Variants in TTN observed in about 807,000 individuals in gnomAD.
TTN encodes connectin.
In TTN, 1,525 loss-of-function variants were observed where a neutral mutation model predicts 3,223.0. The observed-to-expected ratio is 0.47, with a 90% CI of 0.45 to 0.49. TTN has a LOEUF of 0.49. Ranked by LOEUF, TTN falls within the 20% of genes least tolerant of loss-of-function variation. The probability of loss-of-function intolerance (pLI) is 0.00; values close to 1 mark genes in which losing one functional copy is unlikely to be tolerated. For missense variants in TTN, 40,786 were observed against 43,424.0 expected (o/e 0.94, Z 5.40); for synonymous variants, 14,094 against 15,161.0 (o/e 0.93, Z 5.17).
At chr2:178,664,371 C>T in intron 168 of TTN, 89 bp downstream of exon 168, 3 of 1,016,026 alleles carry the variant, frequency 3.0e-6, no homozygotes, top group East Asian at 2.4e-5. Flanking sequence ...TTCACATGTA[C>T]ACATCAAAAT....
chr2:178,776,640 C>T lies in TTN; in HGVS notation c.5224G>A (p.Gly1742Arg). 1.2e-6 allele frequency: 2 copies of T among 1,614,090 alleles called. No individual in the cohort carries two copies. The highest frequency in any genetic ancestry group is 1.7e-6 in the Non-Finnish European group (2 of 1,180,012). The change falls in exon 28 of 363, where the codon GGA becomes AGA. Residue 1742 changes from glycine (G) to arginine (R), a missense_variant. Physicochemically the swap from Gly to Arg is moderately radical, Grantham distance 125 (BLOSUM62 -2). Coordinates refer to ENST00000589042, the MANE Select transcript of TTN (RefSeq NM_001267550.2). ...CTGTTGGCTGCTTCAAGTGGCTTTC[C>T]ATCATGGAGCCACTCCACCACCATC... Reference protein sequence around the residue: ...PTMVVEWLHDGKPLEAANRLR... With the variant: ...PTMVVEWLHDRKPLEAANRLR...
At chr2:178,586,359 G>T in intron 308 of TTN, 146 bp downstream of exon 308, 1 of 838,798 alleles carries the variant, frequency 1.2e-6, no homozygotes, top group African/African-American at 1.7e-5. Flanking sequence ...TGTGTTTTTG[G>T]CCCACTCATG....
At chr2:178,675,824 T>C (rs759670522) in intron 148 of TTN, 70 bp from the exon 149 acceptor site, 85 of 1,526,564 alleles carry the variant, frequency 5.6e-5, no homozygotes, top group Non-Finnish European at 7.2e-5. Context: ...ACAGCAGTAA[T>C]ATAAGTTGTA....
intron 47 of TTN, chr2:178,751,387 C>G: frequency 6.2e-7 from 1 of 1,607,852 alleles, no homozygotes; most frequent in Non-Finnish European, 8.5e-7. Context: ...CTTCATCATA[C>G]ATGTAATCTG....
chr2:178,563,119 C>A lies in TTN; in HGVS notation c.83013G>T (p.Glu27671Asp). Residue 27671 changes from glutamate (E) to aspartate (D), a missense_variant, in exon 326 of 363, where the codon GAG becomes GAT. Coordinates refer to ENST00000589042, the MANE Select transcript of TTN (RefSeq NM_001267550.2). The surrounding 1 kb of genome is among the most constrained non-coding windows in gnomAD (Gnocchi z 4.5). ...PGSVVAQERI[E>D]PPEIELDADL... ...CAGCATCGAGTTCTATTTCTGGTGGCTCTATCCTCTCCTGAGCAACCACTG... is the reference window on the plus strand; with the variant it reads ...CAGCATCGAGTTCTATTTCTGGTGGATCTATCCTCTCCTGAGCAACCACTG... 1 of 1,613,704 alleles carries A rather than the reference C, an allele frequency of 6.2e-7. No individual in the cohort carries two copies. The highest frequency in any genetic ancestry group is 2.2e-5 in the East Asian group (1 of 44,854).
At position 178,777,828 on chromosome 2, in the gene TTN, C is replaced by A. The variant is rs1325420428; in HGVS notation, c.4356G>T (p.Glu1452Asp). 1 of 1,613,920 alleles carries A rather than the reference C, an allele frequency of 6.2e-7. No individual in the cohort carries two copies. The highest frequency in any genetic ancestry group is 2.2e-5 in the East Asian group (1 of 44,878). The change falls in exon 25 of 363, where the codon GAG (glutamate) becomes GAT (aspartate). Residue 1452 changes from glutamate (E) to aspartate (D), a missense_variant. By Grantham distance (45) the Glu-to-Asp change is conservative. Transcript: ENST00000589042. Reference protein sequence around the residue: ...RLEETDESQLERLYKPVFVLK... With the variant: ...RLEETDESQLDRLYKPVFVLK... ...ACACAAAGACTGGTTTATATAGTCT[C>A]TCAAGTTGTGACTCATCTGTCTCCT... is the stretch of plus-strand genomic sequence containing the variant.
rs773714477 is a variant in TTN, at chr2:178,544,090, A to G, written c.96054T>C (p.Asp32018=). Residue 32018 remains aspartate, a synonymous_variant, in exon 346 of 363, where the codon GAT becomes GAC. Coordinates refer to ENST00000589042, the MANE Select transcript of TTN (RefSeq NM_001267550.2). ...TGATGGTCACAGTCTTCTTTAGATC[A>G]TCTGCAAGCTCAAGATCTGGTATTT... ...RIEIPDLELA[D]DLKKTVTIRA... 2 of 1,609,814 alleles carry G rather than the reference A, an allele frequency of 1.2e-6. No individual in the cohort carries two copies. Among genetic ancestry groups the G allele is most frequent in the East Asian group, 4.5e-5 (2 of 44,784 alleles).
chr2:178,558,708 T>C (rs1159000040), intron 326 of TTN, 71 bp from the exon 327 acceptor site: 3 of 1,460,724 alleles, frequency 2.1e-6, no homozygotes, highest in East Asian at 4.7e-5. Flanking sequence ...TCTTCATGTA[T>C]TGTCAAAAGA....
intron 121 of TTN, among the ~76,000 whole-genome samples, chr2:178,690,160 A>G (rs1032867997): frequency 5.9e-5 from 9 of 152,236 alleles, no homozygotes; most frequent in Non-Finnish European, 1.3e-4. Context: ...TATATATTGT[A>G]TGACCTTGCT....
chr2:178,632,507 A>G lies in TTN; in HGVS notation c.43480+19T>C, dbSNP rs1346343042. 3 of 1,608,834 alleles carry G rather than the reference A, an allele frequency of 1.9e-6. No homozygotes were observed. Among genetic ancestry groups the G allele is most frequent in the African/African-American group, 1.3e-5 (1 of 74,686 alleles). Reference sequence around the variant, plus strand: ...AAAAAAAATGATTTTGGGGTGGACTATTTGATAAAACTATTTACCTTCAAT... The same window carrying G: ...AAAAAAAATGATTTTGGGGTGGACTGTTTGATAAAACTATTTACCTTCAAT... On this transcript the variant is annotated intron_variant, in intron 235 of 362. Transcript: ENST00000589042.
At chr2:178,622,970 T>G (rs2058520105) in intron 242 of TTN, among the ~76,000 whole-genome samples, 1 of 151,958 alleles carries the variant, frequency 6.6e-6, no homozygotes, top group African/African-American at 2.4e-5. Flanking sequence ...CATAAAATTA[T>G]GTGGCATTCT....
In TTN at chr2:178,619,668, C is replaced by A. The variant is rs1229831088; in HGVS notation, c.46649G>T (p.Arg15550Ile). The A allele has an allele frequency of 6.2e-7, 1 of 1,612,104 alleles. No homozygotes were observed. The highest frequency in any genetic ancestry group is 1.3e-5 in the African/African-American group (1 of 74,892). Residue 15550 changes from arginine (R) to isoleucine (I), a missense_variant, in exon 250 of 363, where the codon AGA becomes ATA. Physicochemically the swap from Arg to Ile is moderately conservative, Grantham distance 97 (BLOSUM62 -3). Coordinates refer to ENST00000589042, the MANE Select transcript of TTN (RefSeq NM_001267550.2). ...GGCTTCTTTGTCTTTGGCAATAAAT[C>A]TGTATTCACCCTGGTCACGGGGCTT... ...DIKPRDQGEY[R>I]FIAKDKEARA...
Position 178,777,246 on chromosome 2 carries a change from G to C in TTN, c.4717C>G (p.Leu1573Val), listed in dbSNP as rs2092329719. The change falls in exon 27 of 363, where the codon CTT becomes GTT. Residue 1573 changes from leucine (L) to valine (V), a missense_variant. Coordinates refer to ENST00000589042, the MANE Select transcript of TTN (RefSeq NM_001267550.2). Reference sequence around the variant, plus strand: ...CCCGTAGCTCTGACTTTCATTTCAAGTCGGGAACCTTCCTTTATATTGACA... The same window carrying C: ...CCCGTAGCTCTGACTTTCATTTCAACTCGGGAACCTTCCTTTATATTGACA... ...KNVNIKEGSRLEMKVRATGNP... is the reference protein window; with the variant it reads ...KNVNIKEGSRVEMKVRATGNP... 1.9e-6 allele frequency: 3 copies of C among 1,613,930 alleles called. No homozygotes were observed. The highest frequency in any genetic ancestry group is 1.3e-5 in the African/African-American group (1 of 74,902).
In TTN at chr2:178,599,035, G is replaced by C. The variant is rs1405285641; in HGVS notation, c.56675C>G (p.Thr18892Arg). 5.1e-6 allele frequency: 8 copies of C among 1,581,494 alleles called. No homozygotes were observed. The highest frequency in any genetic ancestry group is 6.9e-6 in the Non-Finnish European group (8 of 1,163,942). Residue 18892 changes from threonine (T) to arginine (R), a missense_variant, in exon 291 of 363, where the codon ACA (threonine) becomes AGA (arginine). Physicochemically the swap from Thr to Arg is moderately conservative, Grantham distance 71. Coordinates refer to ENST00000589042, the MANE Select transcript of TTN (RefSeq NM_001267550.2). ...GGAGTTACGAGTCACGCTGCTAACT[G>C]TTGGTTTATCTGGTGCTCCAGGGAC... ...FSVPGAPDKP[T>R]VSSVTRNSMT...
intron 218 of TTN, among the ~76,000 whole-genome samples, chr2:178,644,063 T>A (rs879322414): frequency 3.3e-5 from 5 of 151,944 alleles, no homozygotes; most frequent in Admixed American, 1.3e-4. Context: ...CCTCAGAGAA[T>A]GACTTAGAGC....
At chr2:178,781,607 G>A (rs2054707) in intron 20 of TTN, among the ~76,000 whole-genome samples, 144,414 of 152,278 alleles carry the variant, frequency 0.95, 68,724 homozygotes, top group Non-Finnish European at 0.99. Context: ...TTCATTCAGA[G>A]ATCAAATGAA....
chr2:178,568,936 C>G lies in TTN; in HGVS notation c.77196G>C (p.Gln25732His). 1 of 1,613,428 alleles carries G rather than the reference C, an allele frequency of 6.2e-7. No individual in the cohort carries two copies. The highest frequency in any genetic ancestry group is 8.5e-7 in the Non-Finnish European group (1 of 1,179,580). Reference sequence around the variant, plus strand: ...GTTTAGCTTGCATTTCCACAATATACTGAATGATTTTACTGCCACCATCAT... The same window carrying G: ...GTTTAGCTTGCATTTCCACAATATAGTGAATGATTTTACTGCCACCATCAT... Reference protein sequence around the residue: ...PEHDGGSKIIQYIVEMQAKHS... With the variant: ...PEHDGGSKIIHYIVEMQAKHS... The change falls in exon 326 of 363, where the codon CAG (glutamine) becomes CAC (histidine). Residue 25732 changes from glutamine to histidine, a missense_variant. Transcript: ENST00000589042.
chr2:178,587,274 A>G lies in TTN; in HGVS notation c.63937T>C (p.Trp21313Arg). Residue 21313 changes from tryptophan (W) to arginine (R), a missense_variant, in exon 307 of 363, where the codon TGG (tryptophan) becomes CGG (arginine). Physicochemically the swap from Trp to Arg is moderately radical, Grantham distance 101 (BLOSUM62 -3). Coordinates refer to ENST00000589042, the MANE Select transcript of TTN (RefSeq NM_001267550.2). ...TTAACTTCTGGGGTAACGGTCGACCATGTCTTTCTGTCTGCCTCACGTTTC... is the reference window on the plus strand; with the variant it reads ...TTAACTTCTGGGGTAACGGTCGACCGTGTCTTTCTGTCTGCCTCACGTTTC... ...VEKREADRKT[W>R]STVTPEVKKT... 6.2e-7 allele frequency: 1 copy of G among 1,613,166 alleles called. No individual in the cohort carries two copies. Among genetic ancestry groups the G allele is most frequent in the Non-Finnish European group, 8.5e-7 (1 of 1,179,490 alleles).
At position 178,567,881 on chromosome 2, in the gene TTN, A is replaced by G. The variant is rs1252241115; in HGVS notation, c.78251T>C (p.Val26084Ala). ...TGGTGGGTCACAGGGATCTCTGGCT[A>G]CATAGCATTCAGAATTCTTGCTTGC... is the stretch of plus-strand genomic sequence containing the variant. ...GKASKNSECYVARDPCDPPGT... is the reference protein window; with the variant it reads ...GKASKNSECYAARDPCDPPGT... The change falls in exon 326 of 363, where the codon GTA becomes GCA. Residue 26084 changes from valine to alanine, a missense_variant. Val to Ala is a moderately conservative substitution (Grantham distance 64). Coordinates refer to ENST00000589042, the MANE Select transcript of TTN (RefSeq NM_001267550.2). 6.2e-7 allele frequency: 1 copy of G among 1,613,432 alleles called. No individual in the cohort carries two copies. The highest frequency in any genetic ancestry group is 8.5e-7 in the Non-Finnish European group (1 of 1,179,608).
Sources: gnomAD v4.1 joint callset for allele counts (sites outside exome capture counted in the v4.1 genomes callset) on GRCh38, gnomAD v4.1.1 for gene constraint, Gnocchi (gnomAD v3.1) non-coding constraint, MANE v1.5 for transcripts, NCBI Gene and HGNC (gene_info 2026-07-23, HGNC 2026-07-21) for gene names.